The following CFAP54 variants were observed in gnomAD, a reference collection of about 807,000 sequenced individuals.
CFAP54 encodes the protein cilia- and flagella-associated protein 54.
Under a neutral mutation model 370.4 loss-of-function variants are expected in CFAP54, and 290 were observed. That is an observed-to-expected ratio of 0.78 (90% CI 0.71 to 0.86). The LOEUF (loss-of-function observed/expected upper bound fraction) is 0.86. CFAP54 is among the 40% of genes least tolerant of loss of function. The pLI is 0.00. For missense variants in CFAP54, 3,399 were observed against 3,528.7 expected (o/e 0.96, Z 0.93); for synonymous variants, 1,206 against 1,236.5 (o/e 0.98, Z 0.52).
intron 32 of CFAP54, among the ~76,000 whole-genome samples, chr12:96,638,249 ATATATATT>A (rs1956684798): frequency 6.8e-6 from 1 of 146,510 alleles, no homozygotes; most frequent in Non-Finnish European, 1.5e-5. Context: ...GTGTATATAT[ATATATATT>A]TATTTTTTTT....
chr12:96,801,893 G>C lies in CFAP54; in HGVS notation c.8850+9394G>C, dbSNP rs551387934. Among the ~76,000 whole-genome samples, 12 of 152,252 alleles carry C rather than the reference G, an allele frequency of 7.9e-5. No homozygotes were observed. In the South Asian group the frequency reaches 2.5e-3, roughly 32 times the overall value. Reference sequence around the variant, plus strand: ...TGGCTGTAGCTGCCAGCTGGCCAAGGAGGGACAGGAAACTAGGCTCTCCTA... The same window carrying C: ...TGGCTGTAGCTGCCAGCTGGCCAAGCAGGGACAGGAAACTAGGCTCTCCTA... On this transcript the variant is annotated intron_variant, in intron 63 of 67. Transcript: ENST00000524981.
At chr12:96,826,037 T>C (rs532048951) in intron 65 of CFAP54, among the ~76,000 whole-genome samples, 10 of 144,540 alleles carry the variant, frequency 6.9e-5, no homozygotes, top group African/African-American at 1.5e-4. Flanking sequence ...GATATTAATA[T>C]ATTATATATA....
chr12:96,707,448 G>A (rs144862016), intron 47 of CFAP54, among the ~76,000 whole-genome samples: 227 of 152,272 alleles, frequency 1.5e-3, no homozygotes, highest in African/African-American at 5.2e-3. Context: ...AGAGGGTTAA[G>A]ACGTAGGGAT....
At chr12:96,531,304 G>A (rs1376308769) in intron 9 of CFAP54, among the ~76,000 whole-genome samples, 3 of 151,998 alleles carry the variant, frequency 2.0e-5, no homozygotes, top group Non-Finnish European at 4.4e-5. Flanking sequence ...GAAGTGTAAT[G>A]TCAGTTTAAA....
intron 9 of CFAP54, among the ~76,000 whole-genome samples, chr12:96,528,865 A>G (rs1304520094): frequency 6.6e-6 from 1 of 152,140 alleles, no homozygotes; most frequent in East Asian, 1.9e-4. Flanking sequence ...TTGGAAGCTT[A>G]GATCATTGAT....
chr12:96,553,859 C>A (rs1276333608), intron 15 of CFAP54, among the ~76,000 whole-genome samples: 1 of 151,896 alleles, frequency 6.6e-6, no homozygotes, highest in African/African-American at 2.4e-5. Flanking sequence ...TATGTGAACT[C>A]TTTTAAAAAT....
chr12:96,860,905 C>A lies in CFAP54; in HGVS notation c.9258C>A (p.Ser3086Arg), dbSNP rs747932816. The change falls in exon 67 of 68, where the codon AGC becomes AGA. Residue 3086 changes from serine to arginine, a missense_variant. Transcript: ENST00000524981. ...LANGCILSGG[S>R]LFNWIVSIIP ...ATGGTTGCATTTTATCAGGAGGAAG[C>A]CTTTTCAACTGGATAGTGTCAATTA... is the stretch of plus-strand genomic sequence containing the variant. The A allele has an allele frequency of 3.3e-5, 50 of 1,534,832 alleles. No homozygotes were observed. The South Asian group carries it at 5.5e-4, about 17-fold the overall frequency.
chr12:96,576,541 C>T, intron 19 of CFAP54, 44 bp from the exon 20 acceptor site: 1 of 1,343,208 alleles, frequency 7.4e-7, no homozygotes, highest in Middle Eastern at 1.9e-4. Flanking sequence ...AAATAGAGTT[C>T]AAGCTCTTGA....
chr12:96,789,998 A>G (rs2136699689), intron 62 of CFAP54, among the ~76,000 whole-genome samples: 1 of 141,002 alleles, frequency 7.1e-6, no homozygotes, highest in South Asian at 2.8e-4. Context: ...CCATAATTTG[A>G]TACTTAAACC....
intron 32 of CFAP54, among the ~76,000 whole-genome samples, chr12:96,642,312 A>G (rs76889158): frequency 0.015 from 2,220 of 152,138 alleles, 65 homozygotes; most frequent in African/African-American, 0.051. Flanking sequence ...GATTTCTTTT[A>G]GTGAGAAGTG....
intron 22 of CFAP54, among the ~76,000 whole-genome samples, chr12:96,588,823 C>A (rs531145250): frequency 6.6e-6 from 1 of 152,108 alleles, no homozygotes; most frequent in Non-Finnish European, 1.5e-5. Context: ...CAGTTTTTTT[C>A]TTTTGAACTT....
intron 35 of CFAP54, among the ~76,000 whole-genome samples, chr12:96,650,609 A>G (rs866688522): frequency 1.8e-4 from 28 of 152,122 alleles, no homozygotes; most frequent in African/African-American, 6.8e-4. Context: ...GATTAAACCC[A>G]GAATTGGAAT....
In CFAP54 at chr12:96,514,541, C is replaced by T. The variant is rs114054648; in HGVS notation, c.798+1497C>T. On this transcript the variant is annotated intron_variant, in intron 5 of 67. Coordinates refer to ENST00000524981, the MANE Select transcript of CFAP54 (RefSeq NM_001306084.2). ...AAAGAGAATTTGCATACTCTGGTTG[C>T]GCTTGGTGTAACAACAACAAACATG... Among the ~76,000 whole-genome samples the T allele has an allele frequency of 7.8e-3, 1,185 of 152,270 alleles. 14 individuals are homozygous for T. The highest frequency in any genetic ancestry group is 0.022 in the African/African-American group (933 of 41,554).
chr12:96,771,583 C>G (rs895377844), intron 60 of CFAP54, among the ~76,000 whole-genome samples: 3 of 152,080 alleles, frequency 2.0e-5, no homozygotes, highest in Non-Finnish European at 2.9e-5. Context: ...ACCCGGGAGG[C>G]GGAGCTTGCA....
chr12:96,642,915 G>A (rs1213218280), intron 32 of CFAP54, among the ~76,000 whole-genome samples: 1 of 152,104 alleles, frequency 6.6e-6, no homozygotes, highest in Non-Finnish European at 1.5e-5. Flanking sequence ...TGGGCTGGAT[G>A]TGAATTCCCT....
At chr12:96,686,323 C>A (rs1957329182) in intron 42 of CFAP54, among the ~76,000 whole-genome samples, 1 of 152,162 alleles carries the variant, frequency 6.6e-6, no homozygotes, top group Non-Finnish European at 1.5e-5. Context: ...TAGTTACTTA[C>A]CTCTTTCAAT....
intron 65 of CFAP54, among the ~76,000 whole-genome samples, chr12:96,822,645 G>A (rs11108705): frequency 7.9e-5 from 12 of 152,144 alleles, no homozygotes; most frequent in Middle Eastern, 3.2e-3. Flanking sequence ...CCACCCAGTA[G>A]CTCTGTCGTA....
Position 96,700,071 on chromosome 12 carries a change from A to G in CFAP54, c.6452A>G (p.Tyr2151Cys), listed in dbSNP as rs779690503. 3.7e-6 allele frequency: 6 copies of G among 1,607,270 alleles called. No individual in the cohort carries two copies. The African/African-American group carries it at 6.7e-5, about 18-fold the overall frequency. Reference protein sequence around the residue: ...KNMPCPIPAGYKATGKMKIFQ... With the variant: ...KNMPCPIPAGCKATGKMKIFQ... ...ATGCCTTGTCCAATACCTGCAGGCTATAAAGCCACTGGAAAAATGAAGGTA... is the reference window on the plus strand; with the variant it reads ...ATGCCTTGTCCAATACCTGCAGGCTGTAAAGCCACTGGAAAAATGAAGGTA... Residue 2151 changes from tyrosine (Y) to cysteine (C), a missense_variant, in exon 46 of 68, where the codon TAT (tyrosine) becomes TGT (cysteine). Physicochemically the swap from Tyr to Cys is radical, Grantham distance 194 (BLOSUM62 -2). Around this residue, in one of 3 missense-constraint regions of CFAP54, gnomAD observed 2,796 missense variants for 2,869.7 expected, o/e 0.97. Transcript: ENST00000524981.
At chr12:96,712,830 C>G (rs1030570329) in intron 48 of CFAP54, among the ~76,000 whole-genome samples, 1 of 151,696 alleles carries the variant, frequency 6.6e-6, no homozygotes, top group Non-Finnish European at 1.5e-5. Flanking sequence ...CTCAAATAAC[C>G]CAATAGCAAA....
Sources: gnomAD v4.1 joint callset for allele counts (sites outside exome capture counted in the v4.1 genomes callset) on GRCh38, gnomAD v4.1.1 for gene constraint, gnomAD v4.1.1 regional missense constraint, MANE v1.5 for transcripts, NCBI Gene and HGNC (gene_info 2026-07-23, HGNC 2026-07-21) for gene names.